Variants in CDH13 observed in about 807,000 individuals in gnomAD.
CDH13 encodes cadherin-13.
In CDH13, 24 loss-of-function variants were observed where a neutral mutation model predicts 63.8. The observed-to-expected ratio is 0.38, with a 90% CI of 0.27 to 0.53. The LOEUF (loss-of-function observed/expected upper bound fraction) is 0.53, where lower values mean the gene tolerates loss of function less well. Among genes scored for constraint, CDH13 ranks in the 20% least tolerant of loss-of-function variants. The pLI, the probability that CDH13 is intolerant of heterozygous loss-of-function variation, is 0.85. For missense variants in CDH13, 1,049 were observed against 903.1 expected (o/e 1.16, Z -2.07); for synonymous variants, 503 against 355.3 (o/e 1.42, Z -4.67).
chr16:82,822,466 C>T (rs1679961393), intron 1 of CDH13, among the ~76,000 whole-genome samples: 1 of 152,158 alleles, frequency 6.6e-6, no homozygotes, highest in Non-Finnish European at 1.5e-5. Flanking sequence ...TAGGTTAAAT[C>T]ATTTTTTTAA....
chr16:83,125,784 C>G (rs1400093244), intron 4 of CDH13, among the ~76,000 whole-genome samples: 1 of 152,114 alleles, frequency 6.6e-6, no homozygotes. Flanking sequence ...AGGCTCATTG[C>G]TTTTATAGAT....
chr16:83,033,133 T>C (rs1431501487), intron 3 of CDH13, among the ~76,000 whole-genome samples: 1 of 152,208 alleles, frequency 6.6e-6, no homozygotes, highest in Non-Finnish European at 1.5e-5. Context: ...ATGTAATGTA[T>C]ACACATATGT....
intron 1 of CDH13, among the ~76,000 whole-genome samples, chr16:82,782,555 A>G (rs888901755): frequency 5.3e-5 from 7 of 132,228 alleles, no homozygotes; most frequent in African/African-American, 1.8e-4. Flanking sequence ...CCATCTCAAA[A>G]AAAAAAAAAA....
At chr16:83,152,169 G>T (rs2037010580) in intron 4 of CDH13, among the ~76,000 whole-genome samples, 1 of 152,178 alleles carries the variant, frequency 6.6e-6, no homozygotes, top group Non-Finnish European at 1.5e-5. Context: ...ACTCAAAACT[G>T]TGGGAAATTC....
chr16:82,823,066 AG>A (rs1396481880), intron 1 of CDH13: 1 of 152,292 alleles, frequency 6.6e-6, no homozygotes, highest in Non-Finnish European at 1.5e-5. Context: ...CAAGGCTTAC[AG>A]GTAGCTGTAT....
At chr16:83,290,595 G>T (rs1002641870) in intron 5 of CDH13, among the ~76,000 whole-genome samples, 9 of 152,126 alleles carry the variant, frequency 5.9e-5, no homozygotes, top group African/African-American at 2.2e-4. Context: ...TATAAATTAT[G>T]CAGTCTCAGG....
At chr16:82,879,771 A>G (rs1246297979) in intron 2 of CDH13, among the ~76,000 whole-genome samples, 2 of 138,406 alleles carry the variant, frequency 1.4e-5, no homozygotes, top group African/African-American at 5.3e-5. Flanking sequence ...TTTACATGAT[A>G]TATAATATAT....
intron 6 of CDH13, among the ~76,000 whole-genome samples, chr16:83,457,047 G>C (rs546762303): frequency 8.5e-5 from 13 of 152,286 alleles, no homozygotes; most frequent in African/African-American, 3.1e-4. Context: ...CTAGGGGTCT[G>C]ATATGGCTTG....
intron 1 of CDH13, among the ~76,000 whole-genome samples, chr16:82,682,253 C>G (rs1034346881): frequency 6.6e-6 from 1 of 152,130 alleles, no homozygotes; most frequent in African/African-American, 2.4e-5. Context: ...TGCAGATTCC[C>G]AGGCCCCACC....
At chr16:83,187,589 C>G (rs1267255848) in intron 4 of CDH13, among the ~76,000 whole-genome samples, 3 of 151,978 alleles carry the variant, frequency 2.0e-5, no homozygotes, top group Non-Finnish European at 4.4e-5. Context: ...ATGGGAGAAG[C>G]TGTTTGCAAC....
chr16:82,688,179 C>G (rs1915274896), intron 1 of CDH13, among the ~76,000 whole-genome samples: 1 of 152,152 alleles, frequency 6.6e-6, no homozygotes, highest in Non-Finnish European at 1.5e-5. Context: ...GTGAACCAGC[C>G]AAGAGATCTC....
chr16:83,160,248 G>A (rs563413709), intron 4 of CDH13, among the ~76,000 whole-genome samples: 1 of 152,206 alleles, frequency 6.6e-6, no homozygotes, highest in African/African-American at 2.4e-5. Context: ...CACTCTGGTG[G>A]GGGTCATTGG....
chr16:83,382,685 C>G (rs2091591991), intron 6 of CDH13, among the ~76,000 whole-genome samples: 1 of 152,124 alleles, frequency 6.6e-6, no homozygotes, highest in Non-Finnish European at 1.5e-5. Context: ...TCCTACCTTT[C>G]CCTTCTTAAA....
chr16:82,684,780 C>T (rs1037870075), intron 1 of CDH13, among the ~76,000 whole-genome samples: 11 of 152,228 alleles, frequency 7.2e-5, no homozygotes, highest in African/African-American at 2.4e-4. Flanking sequence ...GCAAACATGA[C>T]TTGCAGGCAT....
At chr16:83,200,921 A>G (rs1384907103) in intron 4 of CDH13, among the ~76,000 whole-genome samples, 2 of 129,672 alleles carry the variant, frequency 1.5e-5, no homozygotes, top group Non-Finnish European at 3.3e-5. Flanking sequence ...AGTCTTAAAA[A>G]TGTGTGTGTG....
chr16:82,907,534 T>C (rs2041690077), intron 2 of CDH13, among the ~76,000 whole-genome samples: 1 of 152,234 alleles, frequency 6.6e-6, no homozygotes, highest in African/African-American at 2.4e-5. Flanking sequence ...GTCAGTTATA[T>C]ATTTTTCTTT....
chr16:83,488,459 T>C (rs1015879829), intron 7 of CDH13, among the ~76,000 whole-genome samples: 1 of 152,192 alleles, frequency 6.6e-6, no homozygotes, highest in Admixed American at 6.5e-5. Context: ...TAGGTAATTA[T>C]TGAAAGGGAG....
intron 6 of CDH13, among the ~76,000 whole-genome samples, chr16:83,410,266 C>G (rs1292897082): frequency 6.6e-6 from 1 of 152,180 alleles, no homozygotes; most frequent in Non-Finnish European, 1.5e-5. Flanking sequence ...CCTGCAGAAT[C>G]AAAACCACGT....
chr16:83,737,025 AG>A (rs368563513), intron 10 of CDH13, among the ~76,000 whole-genome samples: 1 of 152,286 alleles, frequency 6.6e-6, no homozygotes, highest in African/African-American at 2.4e-5. Flanking sequence ...TCACACACAA[AG>A]GAAGAGGTTA....
Sources: allele counts gnomAD v4.1 joint callset (sites outside exome capture counted in the v4.1 genomes callset), GRCh38; gene constraint gnomAD v4.1.1; transcripts MANE v1.5; gene names NCBI Gene and HGNC (gene_info 2026-07-23, HGNC 2026-07-21).